The following TMEM67 variants were observed in gnomAD, a reference collection of about 807,000 sequenced individuals.
The protein encoded by TMEM67 is transmembrane protein 67.
TMEM67 carries 124 observed loss-of-function variants against 136.6 expected under a neutral mutation model. That is an observed-to-expected ratio of 0.91 (90% CI 0.78 to 1.05). The LOEUF (loss-of-function observed/expected upper bound fraction) is 1.05. TMEM67 is among the 50% of genes least tolerant of loss of function. The pLI is 0.00. For synonymous variants in TMEM67, 364 were observed against 390.5 expected (o/e 0.93, Z 0.80); for missense variants, 1,107 against 1,178.4 (o/e 0.94, Z 0.89).
chr8:93,829,382 C>CTGTGTG, the TMEM67 span, among the ~76,000 whole-genome samples: 10 of 137,598 alleles, frequency 7.3e-5, no homozygotes, highest in South Asian at 7.0e-4. Flanking sequence ...CTCTCTCTCT[C>CTGTGTG]TGTGTGTGTG....
chr8:93,815,488 T>C, intron 27 of TMEM67, 41 bp downstream of exon 27: 1 of 1,541,196 alleles, frequency 6.5e-7, no homozygotes, highest in East Asian at 2.3e-5. Context: ...TTCATTTTCT[T>C]GAGAGAAATA....
At chr8:93,767,188 C>T (rs1813118123) in intron 6 of TMEM67, among the ~76,000 whole-genome samples, 1 of 152,188 alleles carries the variant, frequency 6.6e-6, no homozygotes, top group Non-Finnish European at 1.5e-5. Flanking sequence ...CCTACAGATA[C>T]TTTCCTCACA....
At chr8:93,789,353 G>C (rs990820621) in intron 14 of TMEM67, among the ~76,000 whole-genome samples, 1 of 152,116 alleles carries the variant, frequency 6.6e-6, no homozygotes, top group Admixed American at 6.6e-5. Flanking sequence ...AATGAGAGGA[G>C]AAGAAAATCC....
intron 12 of TMEM67, 63 bp downstream of exon 12, chr8:93,785,441 A>T: frequency 6.7e-6 from 10 of 1,496,946 alleles, no homozygotes; most frequent in Non-Finnish European, 9.3e-6. Context: ...GTTAACCTAC[A>T]TGATAATTTA....
intron 6 of TMEM67, among the ~76,000 whole-genome samples, chr8:93,770,107 T>A (rs1284171967): frequency 6.6e-6 from 1 of 152,210 alleles, no homozygotes; most frequent in Non-Finnish European, 1.5e-5. Context: ...ACTTTTATTT[T>A]GAAAAATTTC....
the TMEM67 span, among the ~76,000 whole-genome samples, chr8:93,824,422 G>A: frequency 6.6e-6 from 1 of 152,164 alleles, no homozygotes; most frequent in Admixed American, 6.5e-5. Context: ...GAGGGTAAAA[G>A]GCTAGAAGAT....
intron 3 of TMEM67, 87 bp from the exon 4 acceptor site, chr8:93,763,755 T>C (rs1369602743): frequency 8.2e-6 from 7 of 848,948 alleles, no homozygotes; most frequent in Admixed American, 2.0e-5. Context: ...ATAGTTACAA[T>C]TGGGTTTTGT....
Position 93,755,665 on chromosome 8 carries a change from C to T in TMEM67, c.224-113C>T, listed in dbSNP as rs1812534105. The T allele has an allele frequency of 5.1e-5, 37 of 725,592 alleles. No homozygotes were observed. The South Asian group carries it at 6.6e-4, about 13-fold the overall frequency. 44.9% of individuals were successfully genotyped at this position (725,592 alleles called of 1,614,324 possible). ...CTGCCTCCAGAATCCTGCTGTTAAT[C>T]ACTATACTGCTTCTCAAGATCTTCA... On this transcript the variant is annotated intron_variant, in intron 1 of 27. Coordinates refer to ENST00000453321, the MANE Select transcript of TMEM67 (RefSeq NM_153704.6).
chr8:93,830,602 G>A, the TMEM67 span, among the ~76,000 whole-genome samples: 1 of 152,204 alleles, frequency 6.6e-6, no homozygotes, highest in East Asian at 1.9e-4. Context: ...TTGTTTGGTG[G>A]TGGGGAGAAA....
chr8:93,787,432 T>C (rs1344136169), intron 13 of TMEM67, among the ~76,000 whole-genome samples: 1 of 152,196 alleles, frequency 6.6e-6, no homozygotes, highest in Non-Finnish European at 1.5e-5. Context: ...TTGTTAAGAA[T>C]TCATCTTTCT....
chr8:93,810,087 G>A, intron 26 of TMEM67, 200 bp downstream of exon 26: 1 of 392,140 alleles, frequency 2.6e-6, no homozygotes, highest in Non-Finnish European at 4.6e-6. Flanking sequence ...TCTTGCCTCA[G>A]CTTCCCAAGT....
At chr8:93,764,550 C>A (rs954509133) in intron 4 of TMEM67, among the ~76,000 whole-genome samples, 44 of 152,014 alleles carry the variant, frequency 2.9e-4, no homozygotes, top group African/African-American at 1.1e-3. Flanking sequence ...ATACTTCCCT[C>A]TAATTTAAGC....
At chr8:93,786,433 C>A in intron 13 of TMEM67, 87 bp downstream of exon 13, 1 of 1,463,200 alleles carries the variant, frequency 6.8e-7, no homozygotes, top group Non-Finnish European at 9.5e-7. Flanking sequence ...ACAATAAGGA[C>A]AACTGAATTG....
chr8:93,799,554 T>C (rs1463981363), intron 20 of TMEM67, 64 bp from the exon 21 acceptor site: 3 of 1,548,392 alleles, frequency 1.9e-6, no homozygotes, highest in East Asian at 2.3e-5. Context: ...TTTTCTGTTT[T>C]CAGTCTAGAG....
rs1442017880 is a variant in TMEM67 at position 93,816,721 on chromosome 8, A to C, written c.*269A>C. On this transcript the variant is annotated 3_prime_UTR_variant, in exon 28 of 28. Transcript: ENST00000453321. Reference sequence around the variant, plus strand: ...CAAAAAAAATCTAAATGTTGCTTTCAGCATAATACTTTTTAATGCTAATTA... The same window carrying C: ...CAAAAAAAATCTAAATGTTGCTTTCCGCATAATACTTTTTAATGCTAATTA... 4.2e-6 allele frequency: 1 copy of C among 239,380 alleles called. No homozygotes were observed. Among genetic ancestry groups the C allele is most frequent in the African/African-American group, 2.2e-5 (1 of 44,662 alleles). The allele number at this position is 239,380 out of a possible 1,614,324, so 14.8% of individuals were successfully genotyped here. A position where few individuals can be genotyped will look rare whatever the true frequency, so the allele number is the denominator to read the frequency against.
chr8:93,828,992 A>G, the TMEM67 span, among the ~76,000 whole-genome samples: 3 of 152,166 alleles, frequency 2.0e-5, no homozygotes, highest in African/African-American at 7.2e-5. Flanking sequence ...TATTACATTT[A>G]TGCCTATTTT....
At chr8:93,798,919 ATCTTT>A (rs920073253) in intron 20 of TMEM67, among the ~76,000 whole-genome samples, 11 of 148,874 alleles carry the variant, frequency 7.4e-5, no homozygotes, top group East Asian at 2.0e-4. Context: ...GTTACCTCAC[ATCTTT>A]TCTTTTTGTA....
Position 93,816,652 on chromosome 8 carries a change from A to C in TMEM67, c.*200A>C, listed in dbSNP as rs955246274. 2 of 414,632 alleles carry C rather than the reference A, an allele frequency of 4.8e-6. No homozygotes were observed. The highest frequency in any genetic ancestry group is 4.0e-5 in the African/African-American group (2 of 49,778). 25.7% of individuals were successfully genotyped at this position (414,632 alleles called of 1,614,324 possible). ...AAAATACTGTTTTCCCATTGTGTGT[A>C]GTATTTAATGCAGTAAATAATAAAT... is the stretch of plus-strand genomic sequence containing the variant. On this transcript the variant is annotated 3_prime_UTR_variant, in exon 28 of 28. Transcript: ENST00000453321.
intron 26 of TMEM67, among the ~76,000 whole-genome samples, chr8:93,815,078 C>T (rs1345590943): frequency 1.3e-5 from 2 of 152,134 alleles, no homozygotes; most frequent in Non-Finnish European, 2.9e-5. Context: ...ACCATTGGTC[C>T]TAATGTTAAA....
Sources: allele counts gnomAD v4.1 joint callset (sites outside exome capture counted in the v4.1 genomes callset), GRCh38; gene constraint gnomAD v4.1.1; transcripts MANE v1.5; gene names NCBI Gene and HGNC (gene_info 2026-07-23, HGNC 2026-07-21).